Variants in USP37 observed in about 807,000 individuals in gnomAD.
USP37 encodes ubiquitin specific peptidase 37.
Under a neutral mutation model 124.0 loss-of-function variants are expected in USP37, and 27 were observed. That is an observed-to-expected ratio of 0.22 (90% CI 0.16 to 0.30). The LOEUF is 0.30. Ranked by LOEUF, USP37 falls within the 10% of genes least tolerant of loss-of-function variation. The pLI, the probability that USP37 is intolerant of heterozygous loss-of-function variation, is 1.00. For synonymous variants in USP37, 365 were observed against 388.0 expected, an observed-to-expected ratio of 0.94 and a Z score of 0.70; for missense variants, 889 against 1,140.4, an observed-to-expected ratio of 0.78 and a Z score of 3.17.
At position 218,529,995 on chromosome 2, in the gene USP37, C is replaced by T; in HGVS notation, c.824G>A (p.Gly275Glu). The change falls in exon 10 of 26, where the codon GGA (glycine) becomes GAA (glutamate). Residue 275 changes from glycine to glutamate, a missense_variant. Coordinates refer to ENST00000258399, the MANE Select transcript of USP37 (RefSeq NM_020935.3). ...GCCACCAGAAGAGTGTTCCTTGGAT[C>T]CAGCTCTGCTACCATAAAAGGATGA... ...QSSSFYGSRA[G>E]SKEHSSGGTN... 1 of 1,613,534 alleles carries T rather than the reference C, an allele frequency of 6.2e-7. No homozygotes were observed. The highest frequency in any genetic ancestry group is 8.5e-7 in the Non-Finnish European group (1 of 1,179,846).
At chr2:218,484,030 G>A (rs993685524) in intron 16 of USP37, among the ~76,000 whole-genome samples, 6 of 151,200 alleles carry the variant, frequency 4.0e-5, no homozygotes, top group Admixed American at 6.6e-5. Context: ...GTGGTGGCGC[G>A]TTCCTGTAAT....
intron 17 of USP37, among the ~76,000 whole-genome samples, chr2:218,480,971 C>A (rs1691244426): frequency 6.6e-6 from 1 of 152,214 alleles, no homozygotes; most frequent in Admixed American, 6.5e-5. Flanking sequence ...CAGACACTAA[C>A]TGTATGACTT....
chr2:218,509,554 C>T (rs1182293420), intron 11 of USP37, among the ~76,000 whole-genome samples: 1 of 151,750 alleles, frequency 6.6e-6, no homozygotes, highest in Non-Finnish European at 1.5e-5. Flanking sequence ...TTCTACCAAC[C>T]TGCAACATAG....
At chr2:218,531,946 G>C (rs780263517) in intron 9 of USP37, among the ~76,000 whole-genome samples, 1 of 152,222 alleles carries the variant, frequency 6.6e-6, no homozygotes, top group Non-Finnish European at 1.5e-5. Context: ...GAAGTCTCCT[G>C]AGATGAAATC....
chr2:218,506,202 T>C (rs189064527), intron 11 of USP37, among the ~76,000 whole-genome samples: 52 of 152,100 alleles, frequency 3.4e-4, no homozygotes, highest in Admixed American at 6.6e-4. Context: ...CTCAATGCTT[T>C]AATCTTCTTC....
intron 1 of USP37, 90 bp from the exon 2 acceptor site, chr2:218,562,903 C>T (rs1160183206): frequency 1.6e-5 from 6 of 386,538 alleles, no homozygotes; most frequent in Middle Eastern, 6.5e-4. Context: ...GTGGCTGACG[C>T]GAGTAATCCC....
chr2:218,527,549 T>A (rs945113291), intron 10 of USP37, among the ~76,000 whole-genome samples: 1 of 152,226 alleles, frequency 6.6e-6, no homozygotes, highest in Non-Finnish European at 1.5e-5. Flanking sequence ...AATCTGGAAA[T>A]TTTCACCTTA....
chr2:218,486,251 C>T (rs1378830723), intron 15 of USP37: 1 of 152,354 alleles, frequency 6.6e-6, no homozygotes, highest in East Asian at 1.9e-4. Context: ...ATACCATTAC[C>T]TAGAGAACAC....
At chr2:218,488,571 C>T in intron 14 of USP37, 150 bp from the exon 15 acceptor site, 1 of 529,676 alleles carries the variant, frequency 1.9e-6, no homozygotes, top group Non-Finnish European at 3.4e-6. Flanking sequence ...CTTTTTCATG[C>T]TTACTTTAAC....
At position 218,467,203 on chromosome 2, in the gene USP37, A is replaced by G. The variant is rs1409415404; in HGVS notation, c.2300-1027T>C. Reference sequence around the variant, plus strand: ...TCCTCCCTTCCCCCTCCCCCTGCCCAGGCTGGAGTGCAGTGGCTCACTGCA... The same window carrying G: ...TCCTCCCTTCCCCCTCCCCCTGCCCGGGCTGGAGTGCAGTGGCTCACTGCA... On this transcript the variant is annotated intron_variant, in intron 20 of 25. Coordinates refer to ENST00000258399, the MANE Select transcript of USP37 (RefSeq NM_020935.3). Among the ~76,000 whole-genome samples the G allele has an allele frequency of 3.9e-5, 3 of 76,150 alleles. No individual in the cohort carries two copies. In the South Asian group the frequency reaches 1.4e-3, roughly 36 times the overall value. The allele number at this position is 76,150 out of a possible 152,430, so 50.0% of individuals were successfully genotyped here. A position where few individuals can be genotyped will look rare whatever the true frequency, so the allele number is the denominator to read the frequency against.
intron 8 of USP37, among the ~76,000 whole-genome samples, chr2:218,545,541 A>G (rs1317233379): frequency 1.3e-5 from 2 of 152,154 alleles, no homozygotes; most frequent in Non-Finnish European, 1.5e-5. Context: ...TAATACATAA[A>G]GTTTCTTTGG....
intron 10 of USP37, among the ~76,000 whole-genome samples, chr2:218,519,840 T>A (rs1208174537): frequency 2.0e-5 from 3 of 152,016 alleles, no homozygotes; most frequent in Non-Finnish European, 4.4e-5. Flanking sequence ...CCTGACCTCA[T>A]GATCCACCCA....
chr2:218,517,544 T>C (rs1690366072), intron 10 of USP37, among the ~76,000 whole-genome samples: 1 of 152,230 alleles, frequency 6.6e-6, no homozygotes, highest in African/African-American at 2.4e-5. Flanking sequence ...TTTCTGCATA[T>C]TGAAGATATT....
chr2:218,500,266 T>C (rs1419417338), intron 11 of USP37, among the ~76,000 whole-genome samples: 1 of 151,376 alleles, frequency 6.6e-6, no homozygotes, highest in Non-Finnish European at 1.5e-5. Flanking sequence ...TATTTATTTA[T>C]TTATTTATTT....
chr2:218,463,498 T>C (rs577865526), intron 21 of USP37, 132 bp from the exon 22 acceptor site: 2 of 719,392 alleles, frequency 2.8e-6, no homozygotes, highest in Non-Finnish European at 4.6e-6. Context: ...GTTTGGAATA[T>C]TACCTTTTGA....
intron 8 of USP37, among the ~76,000 whole-genome samples, chr2:218,541,462 G>C (rs1280482268): frequency 6.6e-6 from 1 of 152,152 alleles, no homozygotes; most frequent in Non-Finnish European, 1.5e-5. Context: ...TAGCTCTCAT[G>C]TAATTATAAT....
At chr2:218,553,489 T>C in intron 5 of USP37, 64 bp downstream of exon 5, 2 of 1,430,820 alleles carry the variant, frequency 1.4e-6, no homozygotes, top group South Asian at 3.0e-5. Context: ...TGAATATTGG[T>C]CTGTAGTCTA....
chr2:218,528,519 T>C, intron 10 of USP37: 1 of 326,060 alleles, frequency 3.1e-6, no homozygotes. Context: ...TAAGAATATG[T>C]GGTGTTTGGT....
chr2:218,555,431 G>A (rs1401669089), intron 4 of USP37, among the ~76,000 whole-genome samples: 1 of 152,090 alleles, frequency 6.6e-6, no homozygotes, highest in African/African-American at 2.4e-5. Flanking sequence ...TCCTTGAGTG[G>A]AAATTCTCTA....
Sources: gnomAD v4.1 joint callset for allele counts (sites outside exome capture counted in the v4.1 genomes callset) on GRCh38, gnomAD v4.1.1 for gene constraint, MANE v1.5 for transcripts, NCBI Gene and HGNC (gene_info 2026-07-23, HGNC 2026-07-21) for gene names.